ZFPM2: variants seen among roughly 807,000 people sequenced by gnomAD.
ZFPM2 encodes the protein zinc finger protein ZFPM2.
ZFPM2 carries 20 observed loss-of-function variants against 98.6 expected under a neutral mutation model. The ratio of observed to expected loss-of-function variants is 0.20; its 90% CI spans 0.14 to 0.29. The LOEUF (loss-of-function observed/expected upper bound fraction) is 0.29. Ranked by LOEUF, ZFPM2 falls within the 10% of genes least tolerant of loss-of-function variation. The pLI is 1.00. For synonymous variants in ZFPM2, 518 were observed against 502.7 expected (o/e 1.03, Z -0.41); for missense variants, 1,310 against 1,388.6 (o/e 0.94, Z 0.90).
intron 3 of ZFPM2, among the ~76,000 whole-genome samples, chr8:105,535,638 A>G (rs890501400): frequency 6.6e-6 from 1 of 152,186 alleles, no homozygotes; most frequent in Non-Finnish European, 1.5e-5. Context: ...AGTCAGTCTC[A>G]GGCCTAGAAG....
At chr8:105,452,878 A>G (rs1812515718) in intron 3 of ZFPM2, among the ~76,000 whole-genome samples, 1 of 152,234 alleles carries the variant, frequency 6.6e-6, no homozygotes, top group African/African-American at 2.4e-5. Flanking sequence ...GTGCTCTGCA[A>G]ATATATGTGA....
intron 1 of ZFPM2, among the ~76,000 whole-genome samples, chr8:105,401,469 T>C (rs957367484): frequency 1.3e-5 from 2 of 152,172 alleles, no homozygotes; most frequent in South Asian, 2.1e-4. Flanking sequence ...AAAAGATTTT[T>C]AAGATTTCCC....
chr8:105,495,854 T>C (rs1362018477), intron 3 of ZFPM2, among the ~76,000 whole-genome samples: 1 of 152,260 alleles, frequency 6.6e-6, no homozygotes, highest in Non-Finnish European at 1.5e-5. Context: ...AATCACAGCC[T>C]ATGTGTTTTT....
intron 3 of ZFPM2, among the ~76,000 whole-genome samples, chr8:105,523,590 C>T (rs920238752): frequency 1.3e-5 from 2 of 152,164 alleles, no homozygotes; most frequent in African/African-American, 4.8e-5. Context: ...TGAAGTAAAT[C>T]CTCTGAAAGA....
chr8:105,612,516 C>G (rs1816327793), intron 4 of ZFPM2, among the ~76,000 whole-genome samples: 1 of 152,144 alleles, frequency 6.6e-6, no homozygotes, highest in Non-Finnish European at 1.5e-5. Context: ...CTATTTATAA[C>G]TAGGATTCCC....
intron 5 of ZFPM2, among the ~76,000 whole-genome samples, chr8:105,711,240 C>A (rs946846299): frequency 3.9e-5 from 6 of 152,074 alleles, no homozygotes; most frequent in African/African-American, 1.4e-4. Context: ...AAACTCTGCT[C>A]CAAAGTATCC....
At chr8:105,601,729 G>T (rs1816096383) in intron 4 of ZFPM2, among the ~76,000 whole-genome samples, 1 of 152,120 alleles carries the variant, frequency 6.6e-6, no homozygotes, top group Non-Finnish European at 1.5e-5. Flanking sequence ...CACAGTTGAT[G>T]ATGGTGCCTG....
At chr8:105,702,524 A>AT (rs1233636106) in intron 5 of ZFPM2, among the ~76,000 whole-genome samples, 1 of 152,160 alleles carries the variant, frequency 6.6e-6, no homozygotes, top group African/African-American at 2.4e-5. Context: ...TTGGTTGCAG[A>AT]TTTTTCCTCT....
intron 5 of ZFPM2, among the ~76,000 whole-genome samples, chr8:105,697,528 G>C (rs1811048670): frequency 6.6e-6 from 1 of 152,144 alleles, no homozygotes; most frequent in Admixed American, 6.5e-5. Context: ...TAGTAATTTA[G>C]CCAGGCCAGA....
At chr8:105,770,832 A>G (rs191740810) in intron 5 of ZFPM2, among the ~76,000 whole-genome samples, 105 of 152,288 alleles carry the variant, frequency 6.9e-4, no homozygotes, top group Non-Finnish European at 5.0e-4. Flanking sequence ...ACAGAGAGGA[A>G]GGTGCAGCTT....
chr8:105,742,184 G>A (rs1408227861), intron 5 of ZFPM2, among the ~76,000 whole-genome samples: 1 of 151,800 alleles, frequency 6.6e-6, no homozygotes, highest in East Asian at 2.0e-4. Context: ...TTCAAGACCA[G>A]CCTGGGCAAA....
chr8:105,433,639 T>A (rs968886013), intron 2 of ZFPM2, among the ~76,000 whole-genome samples: 2 of 151,902 alleles, frequency 1.3e-5, no homozygotes, highest in Admixed American at 1.3e-4. Context: ...TACAAAAAAT[T>A]AGCTGGGCGT....
intron 5 of ZFPM2, among the ~76,000 whole-genome samples, chr8:105,759,421 C>G (rs1219974409): frequency 6.6e-6 from 1 of 152,010 alleles, no homozygotes; most frequent in Non-Finnish European, 1.5e-5. Flanking sequence ...CCACAATATC[C>G]GCTTCACAGA....
At chr8:105,434,120 C>A (rs1812074178) in intron 2 of ZFPM2, among the ~76,000 whole-genome samples, 1 of 151,908 alleles carries the variant, frequency 6.6e-6, no homozygotes, top group South Asian at 2.1e-4. Context: ...CAAAGGGAGA[C>A]CTGAGTTAGA....
chr8:105,664,012 A>T (rs1782443823), intron 5 of ZFPM2, among the ~76,000 whole-genome samples: 1 of 152,214 alleles, frequency 6.6e-6, no homozygotes, highest in African/African-American at 2.4e-5. Flanking sequence ...GAGATGAAGA[A>T]GATTTAGCCT....
At chr8:105,352,051 G>T (rs1812656248) in intron 1 of ZFPM2, among the ~76,000 whole-genome samples, 1 of 152,136 alleles carries the variant, frequency 6.6e-6, no homozygotes, top group South Asian at 2.1e-4. Flanking sequence ...GCAAATGGTT[G>T]CATGCCGAAA....
At chr8:105,707,066 C>T (rs2130967688) in intron 5 of ZFPM2, among the ~76,000 whole-genome samples, 1 of 151,532 alleles carries the variant, frequency 6.6e-6, no homozygotes, top group African/African-American at 2.4e-5. Context: ...CATAAGGAGA[C>T]CTCATCTCTA....
At chr8:105,740,075 C>G (rs956747988) in intron 5 of ZFPM2, among the ~76,000 whole-genome samples, 2 of 151,888 alleles carry the variant, frequency 1.3e-5, no homozygotes, top group Non-Finnish European at 2.9e-5. Context: ...GGAAATCTAC[C>G]CAAATCCTAT....
intron 1 of ZFPM2, among the ~76,000 whole-genome samples, chr8:105,369,063 A>G (rs1263769683): frequency 6.6e-6 from 1 of 152,200 alleles, no homozygotes; most frequent in Non-Finnish European, 1.5e-5. Flanking sequence ...ATTTATGACT[A>G]GAGCAAATAA....
Sources: allele counts gnomAD v4.1 joint callset (sites outside exome capture counted in the v4.1 genomes callset), GRCh38; gene constraint gnomAD v4.1.1; transcripts MANE v1.5; gene names NCBI Gene and HGNC (gene_info 2026-07-23, HGNC 2026-07-21).